Variants in ARHGAP20 observed in about 807,000 individuals in gnomAD.
ARHGAP20 encodes the protein rho GTPase-activating protein 20.
A neutral mutation model predicts 73.7 loss-of-function variants in ARHGAP20; 34 were observed. The observed-to-expected ratio is 0.46, with a 90% CI of 0.35 to 0.61. ARHGAP20 has a LOEUF of 0.61. Among genes scored for constraint, ARHGAP20 ranks in the 20% least tolerant of loss-of-function variants. The pLI is 0.00. For missense variants in ARHGAP20, 1,314 were observed against 1,420.9 expected, an observed-to-expected ratio of 0.92 and a Z score of 1.21; for synonymous variants, 523 against 518.2, an observed-to-expected ratio of 1.01 and a Z score of -0.13.
intron 4 of ARHGAP20, among the ~76,000 whole-genome samples, chr11:110,621,139 C>T (rs1016966403): frequency 2.7e-5 from 4 of 146,648 alleles, no homozygotes; most frequent in African/African-American, 1.0e-4. Context: ...AATGAAAGGG[C>T]CATAATAATT....
intron 2 of ARHGAP20, among the ~76,000 whole-genome samples, chr11:110,671,646 G>C (rs1949830674): frequency 1.3e-5 from 2 of 151,800 alleles, no homozygotes; most frequent in Admixed American, 1.3e-4. Flanking sequence ...TAAAGAATAG[G>C]TCAATAACAA....
chr11:110,635,579 T>C (rs767018669), intron 2 of ARHGAP20, among the ~76,000 whole-genome samples: 2 of 152,132 alleles, frequency 1.3e-5, no homozygotes, highest in Non-Finnish European at 2.9e-5. Flanking sequence ...TTCTCAGCTA[T>C]AGCTACCCCT....
At chr11:110,711,560 T>TCCCCATATCTGCCC in intron 1 of ARHGAP20, 1 of 1,406,156 alleles carries the variant, frequency 7.1e-7, no homozygotes, top group Non-Finnish European at 9.3e-7. Flanking sequence ...GGGGCAGTAC[T>TCCCCATATCTGCCC]CCCCATATCT....
chr11:110,615,297 C>T (rs1948459100), intron 5 of ARHGAP20, among the ~76,000 whole-genome samples: 1 of 152,154 alleles, frequency 6.6e-6, no homozygotes, highest in Admixed American at 6.5e-5. Context: ...AGATTATTGA[C>T]TAACTTCTGT....
chr11:110,577,435 T>C lies in ARHGAP20; in HGVS notation c.*1935A>G. 9.1e-7 allele frequency: 1 copy of C among 1,096,980 alleles called. No individual in the cohort carries two copies. The highest frequency in any genetic ancestry group is 1.1e-6 in the Non-Finnish European group (1 of 903,042). 68.0% of individuals were successfully genotyped at this position (1,096,980 alleles called of 1,614,324 possible). ...CCTCAGCAACTATTTTCTTCTATGC[T>C]TCAAATTGGGTGAATGATTTTTTAC... On this transcript the variant is annotated 3_prime_UTR_variant, in exon 15 of 15. Transcript: ENST00000683387.
intron 1 of ARHGAP20, among the ~76,000 whole-genome samples, chr11:110,695,867 G>T (rs1470085463): frequency 6.6e-6 from 1 of 151,524 alleles, no homozygotes; most frequent in African/African-American, 2.4e-5. Flanking sequence ...ACTTGCATAT[G>T]ACTGCTTATA....
chr11:110,638,681 T>A lies in ARHGAP20; in HGVS notation c.189-7889A>T, dbSNP rs376509789. On this transcript the variant is annotated intron_variant, in intron 2 of 14. Transcript: ENST00000683387. ...AATACTATGCAGCCATAAAAAATGATGAGTTCATGTCCTTTGTAGGGACAT... is the reference window on the plus strand; with the variant it reads ...AATACTATGCAGCCATAAAAAATGAAGAGTTCATGTCCTTTGTAGGGACAT... 5.3e-5 allele frequency among the ~76,000 whole-genome samples: 8 copies of A among 152,106 alleles called. No individual in the cohort carries two copies. The East Asian group carries it at 1.5e-3, about 29-fold the overall frequency.
At chr11:110,681,751 A>G (rs553940642) in intron 2 of ARHGAP20, among the ~76,000 whole-genome samples, 2 of 152,328 alleles carry the variant, frequency 1.3e-5, no homozygotes, top group Admixed American at 6.5e-5. Context: ...CATGCACAAC[A>G]GGAGTGAATG....
chr11:110,589,218 A>G lies in ARHGAP20; in HGVS notation c.1305+1430T>C, dbSNP rs556692819. On this transcript the variant is annotated intron_variant, in intron 11 of 14. Coordinates refer to ENST00000683387, the MANE Select transcript of ARHGAP20 (RefSeq NM_001384657.1). ...ATATGCATATTTGTATTTTACATAT[A>G]CATATTTTTATTGTGTTCCAGGATT... Among the ~76,000 whole-genome samples the G allele has an allele frequency of 2.8e-4, 42 of 152,352 alleles. No individual in the cohort carries two copies. The South Asian group carries it at 3.7e-3, about 14-fold the overall frequency.
At chr11:110,598,537 A>G (rs1353956642) in intron 9 of ARHGAP20, among the ~76,000 whole-genome samples, 2 of 152,212 alleles carry the variant, frequency 1.3e-5, no homozygotes, top group Non-Finnish European at 2.9e-5. Context: ...TAAGAAGGTC[A>G]TTGTCTAAAG....
chr11:110,608,919 C>T (rs1455184804), intron 8 of ARHGAP20, 65 bp downstream of exon 8: 132 of 1,370,038 alleles, frequency 9.6e-5, no homozygotes, highest in Non-Finnish European at 1.2e-4. Flanking sequence ...GACCAATTCT[C>T]GGAGACACTT....
rs112928182 is a variant in ARHGAP20 at position 110,696,272 on chromosome 11, C to A, written c.106-5643G>T. Among the ~76,000 whole-genome samples the A allele has an allele frequency of 5.3e-5, 8 of 151,612 alleles. No individual in the cohort carries two copies. The East Asian group carries it at 7.8e-4, about 15-fold the overall frequency. ...ATGAATGTACAATTCTATGACTACA[C>A]TAAAAGCCGCTGAACATAACTTTAG... On this transcript the variant is annotated intron_variant, in intron 1 of 14. Coordinates refer to ENST00000683387, the MANE Select transcript of ARHGAP20 (RefSeq NM_001384657.1).
chr11:110,676,022 T>C (rs541691876), intron 2 of ARHGAP20, among the ~76,000 whole-genome samples: 3 of 152,302 alleles, frequency 2.0e-5, no homozygotes, highest in African/African-American at 7.2e-5. Flanking sequence ...AACATTTTTG[T>C]AAGGAAAAGC....
At position 110,606,626 on chromosome 11, in the gene ARHGAP20, G is replaced by A. The variant is rs1948237069; in HGVS notation, c.899C>T (p.Pro300Leu). ...GATGAACTGGCACTGCATCTCTCGG[G>A]GGAGCTGTTCCATAAGGAAGGGCTC... ...LQEPFLMEQL[P>L]REMQCQFILK... is the part of the protein sequence containing the mutation. Residue 300 changes from proline (P) to leucine (L), a missense_variant, in exon 9 of 15, where the codon CCC (proline) becomes CTC (leucine). Coordinates refer to ENST00000683387, the MANE Select transcript of ARHGAP20 (RefSeq NM_001384657.1). 6.2e-7 allele frequency: 1 copy of A among 1,612,402 alleles called. No homozygotes were observed.
intron 4 of ARHGAP20, among the ~76,000 whole-genome samples, chr11:110,619,634 A>ATGCAGTGATAGAGTG (rs1948581043): frequency 7.0e-6 from 1 of 143,590 alleles, no homozygotes; most frequent in African/African-American, 2.6e-5. Flanking sequence ...GTGATAGAGT[A>ATGCAGTGATAGAGTG]TATGCAGTGA....
intron 1 of ARHGAP20, among the ~76,000 whole-genome samples, chr11:110,700,587 A>G (rs1430935721): frequency 2.0e-5 from 3 of 148,682 alleles, no homozygotes; most frequent in Non-Finnish European, 4.5e-5. Flanking sequence ...TTTCTTTTTT[A>G]TTTTATTTAT....
intron 2 of ARHGAP20, among the ~76,000 whole-genome samples, chr11:110,641,654 C>T (rs1949081217): frequency 6.6e-6 from 1 of 151,902 alleles, no homozygotes; most frequent in Non-Finnish European, 1.5e-5. Context: ...TATTACCATG[C>T]CACCACACTT....
chr11:110,605,377 T>C (rs1057408271), intron 9 of ARHGAP20, among the ~76,000 whole-genome samples: 4 of 152,254 alleles, frequency 2.6e-5, no homozygotes, highest in Non-Finnish European at 5.9e-5. Context: ...AAAATAAGTT[T>C]CACAATGCTG....
intron 5 of ARHGAP20, 86 bp from the exon 6 acceptor site, chr11:110,614,731 T>A: frequency 1.1e-6 from 1 of 919,500 alleles, no homozygotes; most frequent in Non-Finnish European, 1.6e-6. Context: ...TTTATTTTGC[T>A]AATATTTCCA....
Sources: gnomAD v4.1 joint callset for allele counts (sites outside exome capture counted in the v4.1 genomes callset) on GRCh38, gnomAD v4.1.1 for gene constraint, MANE v1.5 for transcripts, NCBI Gene and HGNC (gene_info 2026-07-23, HGNC 2026-07-21) for gene names.